CNTNAP2: variants seen among roughly 807,000 people sequenced by gnomAD.
The protein encoded by CNTNAP2 is contactin-associated protein-like 2.
Under a neutral mutation model 155.2 loss-of-function variants are expected in CNTNAP2, and 98 were observed. The ratio of observed to expected loss-of-function variants is 0.63; its 90% CI spans 0.54 to 0.75. The LOEUF (loss-of-function observed/expected upper bound fraction) is 0.75. Among genes scored for constraint, CNTNAP2 ranks in the 30% least tolerant of loss-of-function variants. The pLI is 0.00. For missense variants in CNTNAP2, 1,727 were observed against 1,688.1 expected, an observed-to-expected ratio of 1.02 and a Z score of -0.40; for synonymous variants, 651 against 631.2, an observed-to-expected ratio of 1.03 and a Z score of -0.47.
chr7:147,418,305 T>C (rs73475104), intron 10 of CNTNAP2, among the ~76,000 whole-genome samples: 4,904 of 152,302 alleles, frequency 0.032, 105 homozygotes, highest in South Asian at 0.045. Context: ...GTGTGAGCCC[T>C]TAATGGAAGA....
intron 9 of CNTNAP2, among the ~76,000 whole-genome samples, chr7:147,341,050 C>T (rs1191056057): frequency 2.2e-5 from 3 of 137,448 alleles, no homozygotes; most frequent in East Asian, 4.0e-4. Context: ...GACATGCCTG[C>T]CTCTTCCAGC....
intron 1 of CNTNAP2, among the ~76,000 whole-genome samples, chr7:146,151,668 A>G (rs1229462402): frequency 0.042 from 1,990 of 47,618 alleles, 146 homozygotes; most frequent in African/African-American, 0.14. Flanking sequence ...ATATATATAT[A>G]TATATATATA....
intron 15 of CNTNAP2, among the ~76,000 whole-genome samples, chr7:147,988,594 A>T (rs1002215523): frequency 2.0e-5 from 3 of 148,952 alleles, no homozygotes; most frequent in Admixed American, 1.3e-4. Flanking sequence ...GGCAAGACTT[A>T]AAAAAAAACA....
chr7:147,256,211 CA>C (rs1804321574), intron 8 of CNTNAP2, among the ~76,000 whole-genome samples: 1 of 144,106 alleles, frequency 6.9e-6, no homozygotes. Context: ...GCTAAAGTGA[CA>C]GGCCCTATGG....
rs148392738 is a variant in CNTNAP2 at position 147,813,594 on chromosome 7, C to T, written c.2099-89971C>T. ...AGGAAATGAACACATGCTCACTGAA[C>T]CTCCTAGCAAAAAAAGTCTCTCTAG... On this transcript the variant is annotated intron_variant, in intron 13 of 23. Transcript: ENST00000361727. 9.7e-4 allele frequency among the ~76,000 whole-genome samples: 148 copies of T among 152,286 alleles called. 1 individual carries two copies. The highest frequency in any genetic ancestry group is 3.5e-3 in the African/African-American group (146 of 41,562).
At chr7:146,517,892 G>A (rs1797564178) in intron 1 of CNTNAP2, among the ~76,000 whole-genome samples, 1 of 151,778 alleles carries the variant, frequency 6.6e-6, no homozygotes, top group African/African-American at 2.4e-5. Context: ...TTATATGAAT[G>A]CGCCATGACT....
At chr7:147,858,088 A>G (rs1332330815) in intron 13 of CNTNAP2, among the ~76,000 whole-genome samples, 1 of 151,922 alleles carries the variant, frequency 6.6e-6, no homozygotes, top group African/African-American at 2.4e-5. Flanking sequence ...AAATGAAAAT[A>G]CTCTTTTTTT....
intron 1 of CNTNAP2, among the ~76,000 whole-genome samples, chr7:146,672,706 A>G (rs1215103164): frequency 6.6e-6 from 1 of 152,240 alleles, no homozygotes; most frequent in Non-Finnish European, 1.5e-5. Context: ...TTTCTCAAAT[A>G]GGTACAATGC....
chr7:148,214,140 G>A (rs1415408200), intron 18 of CNTNAP2, among the ~76,000 whole-genome samples: 2 of 152,182 alleles, frequency 1.3e-5, no homozygotes, highest in Non-Finnish European at 2.9e-5. Flanking sequence ...AGGGGGCCCT[G>A]TGTCTACCTG....
At chr7:147,772,446 CTATATATATATATA>C (rs58027241) in intron 13 of CNTNAP2, among the ~76,000 whole-genome samples, 1,341 of 63,740 alleles carry the variant, frequency 0.021, 117 homozygotes, top group Admixed American at 0.17. Flanking sequence ...CTCTCTCTCG[CTATATATATATATA>C]TATATATATA....
chr7:146,713,939 A>G (rs1479193221), intron 1 of CNTNAP2, among the ~76,000 whole-genome samples: 1 of 152,192 alleles, frequency 6.6e-6, no homozygotes, highest in African/African-American at 2.4e-5. Context: ...GCATATGTAT[A>G]TAAAAAGTAA....
intron 3 of CNTNAP2, among the ~76,000 whole-genome samples, chr7:147,031,892 C>T (rs563852015): frequency 2.0e-5 from 3 of 152,182 alleles, no homozygotes; most frequent in South Asian, 4.1e-4. Flanking sequence ...CATTCCAGCC[C>T]GGACAACAGA....
chr7:146,501,173 T>C (rs1489668944), intron 1 of CNTNAP2, among the ~76,000 whole-genome samples: 1 of 152,144 alleles, frequency 6.6e-6, no homozygotes, highest in Non-Finnish European at 1.5e-5. Flanking sequence ...AATATTGATT[T>C]ATAGTTTTTT....
At chr7:147,856,882 TTTGAG>T (rs1799048676) in intron 13 of CNTNAP2, among the ~76,000 whole-genome samples, 1 of 152,120 alleles carries the variant, frequency 6.6e-6, no homozygotes, top group Non-Finnish European at 1.5e-5. Flanking sequence ...AGTCTACAGA[TTTGAG>T]TGTACCCCTC....
chr7:147,184,555 G>A (rs1441001379), intron 8 of CNTNAP2, among the ~76,000 whole-genome samples: 1 of 152,146 alleles, frequency 6.6e-6, no homozygotes, highest in Non-Finnish European at 1.5e-5. Context: ...TGAAAACACA[G>A]CCCACACCAG....
chr7:147,639,763 C>T (rs989339358), intron 13 of CNTNAP2, among the ~76,000 whole-genome samples: 2 of 152,198 alleles, frequency 1.3e-5, no homozygotes, highest in African/African-American at 4.8e-5. Context: ...ACCTGTTTGT[C>T]TCAAGAAGTC....
chr7:146,915,095 T>A, intron 3 of CNTNAP2, among the ~76,000 whole-genome samples: 1 of 152,130 alleles, frequency 6.6e-6, no homozygotes, highest in East Asian at 1.9e-4. Context: ...CACTTTATAT[T>A]TTTGTTTCCT....
chr7:148,224,172 C>T (rs1460056768), intron 19 of CNTNAP2, among the ~76,000 whole-genome samples: 2 of 152,066 alleles, frequency 1.3e-5, no homozygotes, highest in Admixed American at 1.3e-4. Context: ...TTTAAGAAAA[C>T]TGGCTGGGAT....
chr7:146,289,931 T>G (rs1024033842), intron 1 of CNTNAP2, among the ~76,000 whole-genome samples: 2 of 152,208 alleles, frequency 1.3e-5, no homozygotes, highest in African/African-American at 4.8e-5. Flanking sequence ...ACGACCACTT[T>G]TCTCTTATGC....
Sources: allele counts gnomAD v4.1 joint callset (sites outside exome capture counted in the v4.1 genomes callset), GRCh38; gene constraint gnomAD v4.1.1; transcripts MANE v1.5; gene names NCBI Gene and HGNC (gene_info 2026-07-23, HGNC 2026-07-21).